CTNNB1: variants seen among roughly 807,000 people sequenced by gnomAD.
CTNNB1 encodes catenin beta 1, also known as catenin beta-1.
A neutral mutation model predicts 82.5 loss-of-function variants in CTNNB1; 6 were observed. The observed-to-expected ratio is 0.07, with a 90% confidence interval of 0.04 to 0.14. The LOEUF (loss-of-function observed/expected upper bound fraction) is 0.14. CTNNB1 is among the 10% of genes least tolerant of loss of function. The pLI is 1.00. For missense variants in CTNNB1, 529 were observed against 980.4 expected, an observed-to-expected ratio of 0.54 and a Z score of 6.15; for synonymous variants, 312 against 329.7, an observed-to-expected ratio of 0.95 and a Z score of 0.58.
chr3:41,233,299 C>G (rs2078354894), intron 7 of CTNNB1, 42 bp from the exon 8 acceptor site: 7 of 1,546,458 alleles, frequency 4.5e-6, no homozygotes, highest in Non-Finnish European at 6.3e-6. Context: ...ATAGGCACTT[C>G]TAGCTAATGA....
intron 1 of CTNNB1, among the ~76,000 whole-genome samples, chr3:41,215,143 C>T (rs944952300): frequency 6.7e-6 from 1 of 148,446 alleles, no homozygotes; most frequent in East Asian, 2.0e-4. Flanking sequence ...TTTGGGAGGC[C>T]GAGGCTGGTG....
intron 11 of CTNNB1, 62 bp downstream of exon 11, chr3:41,235,905 A>G: frequency 5.7e-6 from 9 of 1,586,514 alleles, no homozygotes; most frequent in Non-Finnish European, 7.8e-6. Context: ...TGTAATGACT[A>G]ATAACATTTC....
intron 7 of CTNNB1, among the ~76,000 whole-genome samples, chr3:41,230,429 G>A (rs1396178033): frequency 6.6e-6 from 1 of 152,106 alleles, no homozygotes; most frequent in Non-Finnish European, 1.5e-5. Flanking sequence ...AGTTCTTCCA[G>A]GTTATTCTTA....
rs758207378 is a variant in CTNNB1, at chr3:41,233,356, T to C, written c.1097T>C (p.Leu366Ser). Residue 366 changes from leucine to serine, a missense_variant, in exon 8 of 15, where the codon TTA becomes TCA. By Grantham distance (145) the Leu-to-Ser change is moderately radical. This residue lies in a region of CTNNB1 where 411 missense variants were observed against 776.4 expected (regional missense o/e 0.53). Transcript: ENST00000349496. ...AATTTTCTAGGTGGAATGCAAGCTTTAGGACTTCACCTGACAGATCCAAGT... is the reference window on the plus strand; with the variant it reads ...AATTTTCTAGGTGGAATGCAAGCTTCAGGACTTCACCTGACAGATCCAAGT... ...AIVEAGGMQA[L>S]GLHLTDPSQR... The C allele has an allele frequency of 2.5e-6, 4 of 1,614,238 alleles. No individual in the cohort carries two copies. Among genetic ancestry groups the C allele is most frequent in the Non-Finnish European group, 2.5e-6 (3 of 1,180,044 alleles).
intron 7 of CTNNB1, among the ~76,000 whole-genome samples, chr3:41,231,494 A>T (rs929917664): frequency 6.6e-6 from 1 of 152,164 alleles, no homozygotes; most frequent in Admixed American, 6.5e-5. Context: ...GTTACTACTC[A>T]TGGAGTTTAT....
chr3:41,238,403 CAAGG>C, intron 14 of CTNNB1: 1 of 268,086 alleles, frequency 3.7e-6, no homozygotes, highest in Admixed American at 4.9e-5. Context: ...ACAAGCTACC[CAAGG>C]AAGATAGGAA....
intron 13 of CTNNB1, chr3:41,237,072 T>A (rs1450542248): frequency 7.9e-6 from 3 of 380,428 alleles, no homozygotes; most frequent in Non-Finnish European, 1.4e-5. Context: ...TAATAAAACT[T>A]TTCTATTTGA....
Position 41,224,994 on chromosome 3 carries a change from A to G in CTNNB1, c.282A>G (p.Val94=). ...GQYAMTRAQR[V]RAAMFPETLD... ...ATGCAATGACTCGAGCTCAGAGGGT[A>G]CGAGCTGCTATGTTCCCTGAGACAT... The change falls in exon 4 of 15, where the codon GTA becomes GTG. Residue 94 remains valine (V), a synonymous_variant. Transcript: ENST00000349496. The G allele has an allele frequency of 6.2e-7, 1 of 1,614,088 alleles. No homozygotes were observed. Among genetic ancestry groups the G allele is most frequent in the Non-Finnish European group, 8.5e-7 (1 of 1,179,964 alleles).
intron 6 of CTNNB1, among the ~76,000 whole-genome samples, chr3:41,226,404 C>T (rs1248553459): frequency 6.6e-6 from 1 of 152,122 alleles, no homozygotes; most frequent in Non-Finnish European, 1.5e-5. Flanking sequence ...CAAGTTGAAA[C>T]TGACTCTTTT....
chr3:41,206,043 A>G (rs1050357778), intron 1 of CTNNB1, among the ~76,000 whole-genome samples: 4 of 152,140 alleles, frequency 2.6e-5, no homozygotes, highest in African/African-American at 9.7e-5. Flanking sequence ...CATCTGAATG[A>G]TGCTGGGGTG....
chr3:41,237,986 TTC>T, intron 13 of CTNNB1, 28 bp from the exon 14 acceptor site: 1 of 1,604,432 alleles, frequency 6.2e-7, no homozygotes, highest in Non-Finnish European at 8.5e-7. Context: ...TTGCTTTCTA[TTC>T]TTCCTTGCTT....
intron 1 of CTNNB1, among the ~76,000 whole-genome samples, chr3:41,218,526 G>A (rs13075993): frequency 0.33 from 50,631 of 152,002 alleles, 9,832 homozygotes; most frequent in Non-Finnish European, 0.44. Flanking sequence ...TTGTGATATG[G>A]CCAGTTTTAT....
intron 1 of CTNNB1, among the ~76,000 whole-genome samples, chr3:41,210,496 C>T (rs1278601673): frequency 6.6e-6 from 1 of 152,086 alleles, no homozygotes; most frequent in Non-Finnish European, 1.5e-5. Flanking sequence ...ACACATTAGC[C>T]TAGGCCTACA....
chr3:41,222,421 G>A (rs990229798), intron 1 of CTNNB1: 1 of 152,132 alleles, frequency 6.6e-6, no homozygotes, highest in Admixed American at 6.5e-5. Context: ...CTACTGATAG[G>A]TTTTTACCCT....
intron 10 of CTNNB1, chr3:41,234,571 C>T (rs2078388942): frequency 6.6e-6 from 3 of 453,834 alleles, no homozygotes; most frequent in African/African-American, 2.0e-5. Flanking sequence ...ATTTAATTTA[C>T]ACAAAGGCCC....
intron 1 of CTNNB1, chr3:41,200,459 G>C (rs984731870): frequency 1.3e-5 from 2 of 152,324 alleles, no homozygotes; most frequent in East Asian, 1.9e-4. Context: ...GTGAAATAAG[G>C]GGGTGGAGGA....
chr3:41,237,756 C>CTTA (rs2078473587), intron 13 of CTNNB1: 2 of 436,618 alleles, frequency 4.6e-6, no homozygotes, highest in Non-Finnish European at 8.3e-6. Flanking sequence ...CAGTGCCTGG[C>CTTA]AGCACATAAT....
rs1179210472 is a variant in CTNNB1 at position 41,233,384 on chromosome 3, A to G, written c.1125A>G (p.Gln375=). 1.2e-5 allele frequency: 19 copies of G among 1,614,244 alleles called. No homozygotes were observed. Among genetic ancestry groups the G allele is most frequent in the Non-Finnish European group, 1.6e-5 (19 of 1,180,052 alleles). ...GACTTCACCTGACAGATCCAAGTCA[A>G]CGTCTTGTTCAGAACTGTCTTTGGA... ...ALGLHLTDPS[Q]RLVQNCLWTL... is the part of the protein sequence containing the mutation. The change falls in exon 8 of 15, where the codon CAA becomes CAG. Residue 375 remains glutamine, a synonymous_variant. Transcript: ENST00000349496.
intron 7 of CTNNB1, among the ~76,000 whole-genome samples, chr3:41,231,802 C>T (rs1329943136): frequency 6.6e-6 from 1 of 152,114 alleles, no homozygotes; most frequent in Non-Finnish European, 1.5e-5. Flanking sequence ...GCTTTTAGAA[C>T]TCAATAGCAA....
Sources: allele counts gnomAD v4.1 joint callset (sites outside exome capture counted in the v4.1 genomes callset), GRCh38; gene constraint gnomAD v4.1.1; regional missense constraint gnomAD v4.1.1; transcripts MANE v1.5; gene names NCBI Gene and HGNC (gene_info 2026-07-23, HGNC 2026-07-21).